Variants in RANBP2 observed in about 807,000 individuals in gnomAD.
RANBP2 encodes the protein E3 SUMO-protein ligase RanBP2.
Under a neutral mutation model 303.6 loss-of-function variants are expected in RANBP2, and 57 were observed. The observed-to-expected ratio is 0.19, with a 90% CI of 0.15 to 0.23. The LOEUF is 0.23. RANBP2 is among the 10% of genes least tolerant of loss of function. The probability of loss-of-function intolerance (pLI) is 1.00; values close to 1 mark genes in which losing one functional copy is unlikely to be tolerated. For synonymous variants in RANBP2, 1,167 were observed against 1,301.5 expected (o/e 0.90, Z 2.23); for missense variants, 3,138 against 3,780.8 (o/e 0.83, Z 4.46).
At chr2:109,326,194 G>A in the RANBP2 span, among the ~76,000 whole-genome samples, 1 of 152,152 alleles carries the variant, frequency 6.6e-6, no homozygotes, top group African/African-American at 2.4e-5. Flanking sequence ...GCCTCAGAAG[G>A]TGTTTTTCTG....
chr2:109,083,885 A>C, the RANBP2 span, among the ~76,000 whole-genome samples: 1 of 149,978 alleles, frequency 6.7e-6, no homozygotes. Context: ...CTATCTGCAT[A>C]CTCTCCCCTC....
At chr2:108,827,618 T>C in the RANBP2 span, among the ~76,000 whole-genome samples, 636 of 152,032 alleles carry the variant, frequency 4.2e-3, 3 homozygotes, top group Middle Eastern at 6.8e-3. Context: ...AGACGGAGAC[T>C]ATCCTGGCTA....
the RANBP2 span, among the ~76,000 whole-genome samples, chr2:109,461,679 G>A: frequency 4.0e-5 from 6 of 150,688 alleles, no homozygotes; most frequent in South Asian, 4.3e-4. Flanking sequence ...AGACCTGCGC[G>A]GTGATCCACC....
the RANBP2 span, among the ~76,000 whole-genome samples, chr2:109,085,154 C>T: frequency 2.6e-5 from 4 of 152,262 alleles, no homozygotes; most frequent in South Asian, 2.1e-4. Flanking sequence ...CTTCCTGCTT[C>T]GTTATGAGGG....
chr2:108,748,865 G>A, intron 8 of RANBP2, 55 bp from the exon 9 acceptor site: 1 of 1,611,756 alleles, frequency 6.2e-7, no homozygotes, highest in Non-Finnish European at 8.5e-7. Context: ...GACAACGTGA[G>A]CAAATACAAT....
At chr2:109,160,194 G>A in the RANBP2 span, among the ~76,000 whole-genome samples, 1 of 152,294 alleles carries the variant, frequency 6.6e-6, no homozygotes, top group East Asian at 1.9e-4. Flanking sequence ...CCCTCAGGAA[G>A]CTGAGGGTCT....
Position 108,719,506 on chromosome 2 carries a change from C to G in RANBP2, c.-101C>G, listed in dbSNP as rs1342317863. On this transcript the variant is annotated 5_prime_UTR_variant, in exon 1 of 29. Coordinates refer to ENST00000283195, the MANE Select transcript of RANBP2 (RefSeq NM_006267.5). Reference sequence around the variant, plus strand: ...CACAGTGGTCCTCCGCCGGCTACGGCGCTGCGTCACTGGTTTGCAGGCGCT... The same window carrying G: ...CACAGTGGTCCTCCGCCGGCTACGGGGCTGCGTCACTGGTTTGCAGGCGCT... 3.3e-6 allele frequency: 5 copies of G among 1,528,606 alleles called. No individual in the cohort carries two copies. The African/African-American group carries it at 4.1e-5, about 13-fold the overall frequency. The allele number at this position is 1,528,606 out of a possible 1,614,324, so 94.7% of individuals were successfully genotyped here. A position where few individuals can be genotyped will look rare whatever the true frequency, so the allele number is the denominator to read the frequency against.
At chr2:109,398,756 A>G in the RANBP2 span, 2 of 1,613,650 alleles carry the variant, frequency 1.2e-6, no homozygotes, top group East Asian at 2.2e-5. Flanking sequence ...CGGCGTGTGG[A>G]TGGCAAGAAG....
chr2:109,047,671 G>A, the RANBP2 span, among the ~76,000 whole-genome samples: 10 of 152,302 alleles, frequency 6.6e-5, no homozygotes, highest in African/African-American at 9.6e-5. Flanking sequence ...TTAGCTGAGC[G>A]TGGTGGCAGG....
the RANBP2 span, among the ~76,000 whole-genome samples, chr2:109,209,358 G>T: frequency 6.6e-6 from 1 of 152,278 alleles, no homozygotes; most frequent in Admixed American, 6.5e-5. Flanking sequence ...ACGTTTAACA[G>T]TTGGCTTCCT....
At chr2:109,675,013 A>G in the RANBP2 span, among the ~76,000 whole-genome samples, 1 of 152,226 alleles carries the variant, frequency 6.6e-6, no homozygotes, top group Non-Finnish European at 1.5e-5. Flanking sequence ...TCTGTCACCG[A>G]GGCTGGAGTG....
chr2:108,993,056 A>G, the RANBP2 span, among the ~76,000 whole-genome samples: 1 of 152,192 alleles, frequency 6.6e-6, no homozygotes, highest in South Asian at 2.1e-4. Context: ...TAGGAACCAC[A>G]CCTTCCTAGG....
the RANBP2 span, among the ~76,000 whole-genome samples, chr2:109,337,289 C>T: frequency 2.0e-5 from 3 of 152,210 alleles, no homozygotes; most frequent in African/African-American, 7.2e-5. Context: ...CTCCTCTCCC[C>T]ACAGCAGGGC....
At chr2:109,210,924 G>A in the RANBP2 span, among the ~76,000 whole-genome samples, 1 of 152,224 alleles carries the variant, frequency 6.6e-6, no homozygotes. Flanking sequence ...TGGAATTGCT[G>A]CTGTCCTTTC....
At chr2:109,723,738 GT>G in the RANBP2 span, among the ~76,000 whole-genome samples, 1 of 152,198 alleles carries the variant, frequency 6.6e-6, no homozygotes, top group Non-Finnish European at 1.5e-5. Context: ...TCTGCTAATA[GT>G]TTCTTTTACT....
At chr2:109,177,666 A>G in the RANBP2 span, among the ~76,000 whole-genome samples, 1 of 152,174 alleles carries the variant, frequency 6.6e-6, no homozygotes, top group African/African-American at 2.4e-5. Context: ...TAGACCACAC[A>G]GAGATCCTGC....
chr2:108,953,412 T>C, the RANBP2 span, among the ~76,000 whole-genome samples: 50 of 152,244 alleles, frequency 3.3e-4, no homozygotes, highest in Non-Finnish European at 6.3e-4. Context: ...ATCTCTAAAC[T>C]CTGCCTCTTC....
the RANBP2 span, among the ~76,000 whole-genome samples, chr2:108,962,873 T>A: frequency 6.6e-6 from 1 of 152,056 alleles, no homozygotes; most frequent in African/African-American, 2.4e-5. Context: ...CACTCTTCAA[T>A]GGTTTTGTCA....
At chr2:109,575,776 TA>T in the RANBP2 span, among the ~76,000 whole-genome samples, 1 of 152,266 alleles carries the variant, frequency 6.6e-6, no homozygotes, top group Non-Finnish European at 1.5e-5. Context: ...AATGAACCAG[TA>T]CCTTGAGCAG....
Sources: allele counts gnomAD v4.1 joint callset (sites outside exome capture counted in the v4.1 genomes callset), GRCh38; gene constraint gnomAD v4.1.1; transcripts MANE v1.5; gene names NCBI Gene and HGNC (gene_info 2026-07-23, HGNC 2026-07-21).